CENPP: variants seen among roughly 807,000 people sequenced by gnomAD.
CENPP encodes the protein centromere protein P.
In CENPP, 24 loss-of-function variants were observed where a neutral mutation model predicts 35.6. The ratio of observed to expected loss-of-function variants is 0.67; its 90% CI spans 0.49 to 0.95. The LOEUF is 0.95. CENPP is among the 40% of genes least tolerant of loss of function. The pLI is 0.00. For synonymous variants in CENPP, 120 were observed against 125.5 expected (o/e 0.96, Z 0.29); for missense variants, 332 against 345.3 (o/e 0.96, Z 0.31).
At chr9:92,545,755 T>G (rs1254872095) in intron 5 of CENPP, among the ~76,000 whole-genome samples, 1 of 152,242 alleles carries the variant, frequency 6.6e-6, no homozygotes, top group Non-Finnish European at 1.5e-5. Flanking sequence ...AACCTTTATG[T>G]CTAGCTAAGG....
intron 5 of CENPP, among the ~76,000 whole-genome samples, chr9:92,563,653 C>CA (rs2131344392): frequency 6.6e-6 from 1 of 152,294 alleles, no homozygotes; most frequent in African/African-American, 2.4e-5. Context: ...TTCAAACACT[C>CA]AATTATTTTG....
intron 1 of CENPP, among the ~76,000 whole-genome samples, chr9:92,331,527 C>G (rs1588030703): frequency 6.6e-6 from 1 of 152,212 alleles, no homozygotes; most frequent in Non-Finnish European, 1.5e-5. Flanking sequence ...AGAGATATAT[C>G]AGACATTTAG....
At chr9:92,417,920 G>T (rs1843667827) in intron 5 of CENPP, among the ~76,000 whole-genome samples, 1 of 151,826 alleles carries the variant, frequency 6.6e-6, no homozygotes, top group Non-Finnish European at 1.5e-5. Context: ...TAGAGACAAG[G>T]TTTCGTTGTG....
chr9:92,345,250 CAAAACA>C (rs1470993744), intron 3 of CENPP, among the ~76,000 whole-genome samples: 18 of 146,978 alleles, frequency 1.2e-4, no homozygotes, highest in Admixed American at 8.1e-4. Flanking sequence ...GAGACTGTCT[CAAAACA>C]AAAACAAAAA....
chr9:92,357,723 C>T (rs1414039044), intron 4 of CENPP, among the ~76,000 whole-genome samples: 1 of 152,008 alleles, frequency 6.6e-6, no homozygotes, highest in African/African-American at 2.4e-5. Flanking sequence ...ATCTCCGATT[C>T]CCGACCTCAG....
At chr9:92,374,913 A>G (rs747487106) in intron 4 of CENPP, among the ~76,000 whole-genome samples, 3 of 152,190 alleles carry the variant, frequency 2.0e-5, no homozygotes, top group Non-Finnish European at 4.4e-5. Flanking sequence ...TTCTTGAATC[A>G]GGGAATGTCT....
intron 5 of CENPP, chr9:92,502,664 A>G: frequency 6.5e-7 from 1 of 1,532,760 alleles, no homozygotes; most frequent in Non-Finnish European, 8.9e-7. Flanking sequence ...TATAATTAAG[A>G]GAGAAGACTA....
intron 5 of CENPP, among the ~76,000 whole-genome samples, chr9:92,538,016 C>T (rs940413987): frequency 6.6e-6 from 1 of 151,994 alleles, no homozygotes. Context: ...GTAGGGAAAA[C>T]AGAAACTCTC....
intron 5 of CENPP, among the ~76,000 whole-genome samples, chr9:92,500,217 CTG>C (rs1846588421): frequency 6.6e-6 from 1 of 152,148 alleles, no homozygotes; most frequent in African/African-American, 2.4e-5. Flanking sequence ...GAGTCTCACT[CTG>C]TCACCCAGGC....
chr9:92,519,096 C>A (rs1253384753), intron 5 of CENPP, among the ~76,000 whole-genome samples: 1 of 152,112 alleles, frequency 6.6e-6, no homozygotes, highest in Admixed American at 6.5e-5. Context: ...GTTCCACCCC[C>A]AAATGAGCCT....
At chr9:92,382,892 C>CTTTTTTTTTT in intron 5 of CENPP, among the ~76,000 whole-genome samples, 1 of 69,812 alleles carries the variant, frequency 1.4e-5, no homozygotes, top group Non-Finnish European at 2.7e-5. Context: ...CACTGTTTTC[C>CTTTTTTTTTT]TTTTTTTTTT....
chr9:92,448,048 A>G (rs995324182), intron 5 of CENPP, among the ~76,000 whole-genome samples: 4 of 152,196 alleles, frequency 2.6e-5, no homozygotes, highest in Non-Finnish European at 1.5e-5. Context: ...AAGAGACCAA[A>G]TGAAGGATAT....
intron 5 of CENPP, among the ~76,000 whole-genome samples, chr9:92,560,818 A>G (rs1425862583): frequency 6.6e-6 from 1 of 151,092 alleles, no homozygotes; most frequent in East Asian, 1.9e-4. Flanking sequence ...CTGCAGTCTC[A>G]AAAGTCGCAG....
intron 5 of CENPP, among the ~76,000 whole-genome samples, chr9:92,431,301 A>T (rs1267808192): frequency 6.6e-6 from 1 of 152,138 alleles, no homozygotes; most frequent in Admixed American, 6.5e-5. Flanking sequence ...TCTCAACGTT[A>T]TATTATTTCC....
Position 92,618,647 on chromosome 9 carries a change from G to A in CENPP, c.*5498G>A, listed in dbSNP as rs1445877017. On this transcript the variant is annotated 3_prime_UTR_variant, in exon 8 of 8. Coordinates refer to ENST00000375587, the MANE Select transcript of CENPP (RefSeq NM_001012267.3). ...GTAGGTATTTCCTTAGGGGATAACA[G>A]GAGTTTTCAACTAAATAGAACAACC... The A allele has an allele frequency of 2.3e-6, 1 of 442,122 alleles. No individual in the cohort carries two copies. The highest frequency in any genetic ancestry group is 2.0e-5 in the African/African-American group (1 of 49,584). 27.4% of individuals were successfully genotyped at this position (442,122 alleles called of 1,614,324 possible).
chr9:92,460,913 A>C (rs1005324580), intron 5 of CENPP, among the ~76,000 whole-genome samples: 1 of 151,950 alleles, frequency 6.6e-6, no homozygotes, highest in African/African-American at 2.4e-5. Flanking sequence ...TTCTGACCTC[A>C]GGTGATCCAC....
intron 4 of CENPP, among the ~76,000 whole-genome samples, chr9:92,362,823 C>A (rs1274261366): frequency 6.6e-6 from 1 of 152,176 alleles, no homozygotes; most frequent in African/African-American, 2.4e-5. Context: ...AAATAGATCA[C>A]CATTCTCTAT....
chr9:92,422,080 T>G (rs1381785816), intron 5 of CENPP, among the ~76,000 whole-genome samples: 1 of 152,000 alleles, frequency 6.6e-6, no homozygotes, highest in Non-Finnish European at 1.5e-5. Context: ...GACAAGAGTC[T>G]CGTGCTGTCA....
intron 5 of CENPP, among the ~76,000 whole-genome samples, chr9:92,582,542 A>T (rs1291622913): frequency 6.6e-6 from 1 of 151,990 alleles, no homozygotes; most frequent in Non-Finnish European, 1.5e-5. Context: ...GGCCCTGGAG[A>T]TTGACAAAAG....
Sources: allele counts gnomAD v4.1 joint callset (sites outside exome capture counted in the v4.1 genomes callset), GRCh38; gene constraint gnomAD v4.1.1; transcripts MANE v1.5; gene names NCBI Gene and HGNC (gene_info 2026-07-23, HGNC 2026-07-21).